The following DENND1B variants were observed in gnomAD, a reference collection of about 807,000 sequenced individuals.
DENND1B encodes DENN domain-containing protein 1B.
Under a neutral mutation model 90.1 loss-of-function variants are expected in DENND1B, and 59 were observed. The ratio of observed to expected loss-of-function variants is 0.65; its 90% CI spans 0.53 to 0.81. The LOEUF (loss-of-function observed/expected upper bound fraction) is 0.81. Ranked by LOEUF, DENND1B falls within the 40% of genes least tolerant of loss-of-function variation. DENND1B has a pLI of 0.00. For synonymous variants in DENND1B, 337 were observed against 324.6 expected (o/e 1.04, Z -0.41); for missense variants, 862 against 912.6 (o/e 0.94, Z 0.71).
chr1:197,557,762 T>G (rs1671833065), intron 15 of DENND1B, among the ~76,000 whole-genome samples: 2 of 151,924 alleles, frequency 1.3e-5, no homozygotes, highest in Non-Finnish European at 2.9e-5. Context: ...CCTTTTTCTA[T>G]TTTTATTCAA....
intron 2 of DENND1B, among the ~76,000 whole-genome samples, chr1:197,766,432 T>C (rs1655709352): frequency 6.6e-6 from 1 of 152,252 alleles, no homozygotes; most frequent in Non-Finnish European, 1.5e-5. Flanking sequence ...TACTTTATTA[T>C]CTGTATGATT....
rs1160118187 is a variant in DENND1B, at chr1:197,545,919, T to C, written c.1350+3A>G. ...AGGATTGTTAAATATCAAAAAAACTTACAAATTTATATGCTGTCCGTACAG... is the reference window on the plus strand; with the variant it reads ...AGGATTGTTAAATATCAAAAAAACTCACAAATTTATATGCTGTCCGTACAG... On this transcript the variant is annotated splice_donor_region_variant and intron_variant, in intron 18 of 22. Transcript: ENST00000620048. 6.2e-7 allele frequency: 1 copy of C among 1,600,124 alleles called. No homozygotes were observed. Among genetic ancestry groups the C allele is most frequent in the Non-Finnish European group, 8.5e-7 (1 of 1,176,306 alleles).
intron 10 of DENND1B, among the ~76,000 whole-genome samples, chr1:197,642,195 T>A (rs1405987428): frequency 1.3e-5 from 2 of 152,094 alleles, no homozygotes; most frequent in Non-Finnish European, 2.9e-5. Context: ...AACCTGTGAT[T>A]TATAAAAAAT....
At position 197,607,014 on chromosome 1, in the gene DENND1B, T is replaced by A. The variant is rs1368439154; in HGVS notation, c.921+59A>T. ...ATTAAAAGTGGGAAAAATAACTTAG[T>A]AATTCAGAGGTCCAGGAGAAAACAT... On this transcript the variant is annotated intron_variant, in intron 13 of 22. Coordinates refer to ENST00000620048, the MANE Select transcript of DENND1B (RefSeq NM_001195215.2). The A allele has an allele frequency of 2.4e-6, 3 of 1,262,334 alleles. No individual in the cohort carries two copies. The Admixed American group carries it at 5.6e-5, about 24-fold the overall frequency. 78.2% of individuals were successfully genotyped at this position (1,262,334 alleles called of 1,614,324 possible). A position where few individuals can be genotyped will look rare whatever the true frequency, so the allele number is the denominator to read the frequency against.
intron 15 of DENND1B, among the ~76,000 whole-genome samples, chr1:197,576,160 G>A (rs775414089): frequency 2.6e-5 from 4 of 152,094 alleles, no homozygotes; most frequent in Admixed American, 6.6e-5. Flanking sequence ...AAGAGTTGAC[G>A]TTTGAAGAGG....
At chr1:197,674,295 A>C (rs1328103247) in intron 3 of DENND1B, 126 bp from the exon 4 acceptor site, 1 of 667,788 alleles carries the variant, frequency 1.5e-6, no homozygotes, top group Non-Finnish European at 2.6e-6. Context: ...AAAATAGCAC[A>C]GGTTCCTAGA....
At chr1:197,592,053 G>A (rs1675270068) in intron 14 of DENND1B, among the ~76,000 whole-genome samples, 1 of 142,834 alleles carries the variant, frequency 7.0e-6, no homozygotes, top group Non-Finnish European at 1.5e-5. Context: ...AGCTTGCAGC[G>A]AGCTGAGATC....
At chr1:197,554,189 T>G (rs1216184891) in intron 15 of DENND1B, among the ~76,000 whole-genome samples, 1 of 151,506 alleles carries the variant, frequency 6.6e-6, no homozygotes, top group African/African-American at 2.4e-5. Flanking sequence ...TTTTGTTGAT[T>G]TGTGGCACCT....
At chr1:197,721,844 C>T (rs1216982171) in intron 2 of DENND1B, among the ~76,000 whole-genome samples, 3 of 152,004 alleles carry the variant, frequency 2.0e-5, no homozygotes, top group Non-Finnish European at 4.4e-5. Flanking sequence ...AATTCTAGTT[C>T]CATATCCCAA....
At chr1:197,603,492 C>T (rs565290075) in intron 13 of DENND1B, among the ~76,000 whole-genome samples, 7 of 151,142 alleles carry the variant, frequency 4.6e-5, no homozygotes, top group African/African-American at 1.7e-4. Flanking sequence ...TTCTTACAAT[C>T]TAATAAGTTT....
chr1:197,519,311 G>A (rs142090449), intron 20 of DENND1B, among the ~76,000 whole-genome samples: 114 of 151,940 alleles, frequency 7.5e-4, no homozygotes, highest in African/African-American at 2.5e-3. Flanking sequence ...ATACATAGTA[G>A]GTAGTTTTTG....
At chr1:197,518,507 CA>C (rs1668555185) in intron 20 of DENND1B, among the ~76,000 whole-genome samples, 1 of 151,842 alleles carries the variant, frequency 6.6e-6, no homozygotes, top group Non-Finnish European at 1.5e-5. Context: ...TGGAGAATCT[CA>C]AGAGGAACTC....
intron 2 of DENND1B, among the ~76,000 whole-genome samples, chr1:197,759,121 C>A (rs182478062): frequency 2.6e-5 from 4 of 151,696 alleles, no homozygotes; most frequent in African/African-American, 9.7e-5. Context: ...CAGGTGCACA[C>A]CACTACACCC....
At chr1:197,540,843 C>A in intron 19 of DENND1B, 116 bp downstream of exon 19, 2 of 926,596 alleles carry the variant, frequency 2.2e-6, no homozygotes, top group East Asian at 2.6e-5. Context: ...CATTCTTGAA[C>A]AAAGGGCTAA....
intron 2 of DENND1B, among the ~76,000 whole-genome samples, chr1:197,727,038 A>G (rs987466057): frequency 6.6e-6 from 1 of 152,224 alleles, no homozygotes; most frequent in Non-Finnish European, 1.5e-5. Flanking sequence ...TTTTATTGCT[A>G]AAATCTTCCC....
intron 6 of DENND1B, among the ~76,000 whole-genome samples, chr1:197,656,315 A>G (rs1653820886): frequency 6.6e-6 from 1 of 152,150 alleles, no homozygotes; most frequent in Non-Finnish European, 1.5e-5. Context: ...CAAAGAAAAG[A>G]CAATGTCAGG....
intron 18 of DENND1B, 25 bp from the exon 19 acceptor site, chr1:197,541,040 T>C (rs1670298698): frequency 3.1e-6 from 5 of 1,606,580 alleles, no homozygotes; most frequent in Non-Finnish European, 4.3e-6. Flanking sequence ...TGAATGTGCC[T>C]GGCTCAGGAT....
At chr1:197,643,149 T>C (rs1391109877) in intron 9 of DENND1B, among the ~76,000 whole-genome samples, 1 of 152,026 alleles carries the variant, frequency 6.6e-6, no homozygotes, top group Non-Finnish European at 1.5e-5. Context: ...TTGTCATCTT[T>C]AGTGTATGTC....
intron 20 of DENND1B, among the ~76,000 whole-genome samples, chr1:197,539,567 G>C (rs1362298848): frequency 6.6e-6 from 1 of 152,150 alleles, no homozygotes; most frequent in Non-Finnish European, 1.5e-5. Context: ...TAGACTTATA[G>C]TAGTTCAGAT....
Sources: gnomAD v4.1 joint callset for allele counts (sites outside exome capture counted in the v4.1 genomes callset) on GRCh38, gnomAD v4.1.1 for gene constraint, MANE v1.5 for transcripts, NCBI Gene and HGNC (gene_info 2026-07-23, HGNC 2026-07-21) for gene names.